The following SPMIP2 variants were observed in gnomAD, a reference collection of about 807,000 sequenced individuals.
The protein encoded by SPMIP2 is protein SPMIP2.
chr4:159,009,400 A>G, the SPMIP2 span, among the ~76,000 whole-genome samples: 1 of 152,214 alleles, frequency 6.6e-6, no homozygotes, highest in Non-Finnish European at 1.5e-5. Flanking sequence ...CTGATGCATC[A>G]TGTTTGAGGA....
the SPMIP2 span, among the ~76,000 whole-genome samples, chr4:159,023,885 CTTAGAAATAAAGCAGA>C: frequency 3.9e-5 from 6 of 152,302 alleles, no homozygotes; most frequent in African/African-American, 1.2e-4. Context: ...AAGAATAAAG[CTTAGAAATAAAGCAGA>C]TCTCTCCTCT....
the SPMIP2 span, among the ~76,000 whole-genome samples, chr4:159,023,062 AAAATAAAATAAAATAAAAT>A: frequency 7.1e-6 from 1 of 141,270 alleles, no homozygotes; most frequent in Non-Finnish European, 1.5e-5. Context: ...AAAATAAAAT[AAAATAAAATAAAATAAAAT>A]AAAAATATAT....
At chr4:158,894,669 C>T in the SPMIP2 span, among the ~76,000 whole-genome samples, 1 of 152,124 alleles carries the variant, frequency 6.6e-6, no homozygotes, top group African/African-American at 2.4e-5. Context: ...TTCTATTTCA[C>T]TCCATAAGGA....
the SPMIP2 span, chr4:158,907,983 TTTATGTA>T: frequency 6.6e-6 from 1 of 152,220 alleles, no homozygotes; most frequent in Non-Finnish European, 1.5e-5. Flanking sequence ...TTTTAACTTG[TTTATGTA>T]TTATTTTGAT....
chr4:158,966,058 C>T, the SPMIP2 span, among the ~76,000 whole-genome samples: 4 of 152,142 alleles, frequency 2.6e-5, no homozygotes, highest in Non-Finnish European at 5.9e-5. Flanking sequence ...TGAATTCTTC[C>T]CGAGTAGGTG....
chr4:159,054,385 T>A, the SPMIP2 span, among the ~76,000 whole-genome samples: 1 of 152,140 alleles, frequency 6.6e-6, no homozygotes, highest in Non-Finnish European at 1.5e-5. Context: ...CCCTCCTCCA[T>A]CTTGCATGGA....
chr4:159,082,210 G>A, the SPMIP2 span, among the ~76,000 whole-genome samples: 1 of 151,000 alleles, frequency 6.6e-6, no homozygotes, highest in East Asian at 1.9e-4. Flanking sequence ...GCAGGCACCT[G>A]TAATCCCAGC....
At chr4:158,928,269 G>A in the SPMIP2 span, among the ~76,000 whole-genome samples, 5 of 152,044 alleles carry the variant, frequency 3.3e-5, no homozygotes, top group African/African-American at 7.3e-5. Flanking sequence ...TGCACCAGTC[G>A]ACACTCTGTA....
chr4:159,077,213 TCAC>T, the SPMIP2 span, among the ~76,000 whole-genome samples: 3 of 151,700 alleles, frequency 2.0e-5, no homozygotes, highest in Admixed American at 2.0e-4. Context: ...CGGTCTCGGC[TCAC>T]CACAACCACA....
chr4:159,021,113 A>G, the SPMIP2 span, among the ~76,000 whole-genome samples: 1 of 152,054 alleles, frequency 6.6e-6, no homozygotes, highest in Non-Finnish European at 1.5e-5. Context: ...TTACACATAT[A>G]GTTTCTGTCT....
At chr4:158,958,519 A>G in the SPMIP2 span, among the ~76,000 whole-genome samples, 1 of 152,192 alleles carries the variant, frequency 6.6e-6, no homozygotes, top group East Asian at 1.9e-4. Context: ...GCATATACTG[A>G]GGCTGGCTGG....
chr4:159,072,041 T>G, the SPMIP2 span, among the ~76,000 whole-genome samples: 1,622 of 152,348 alleles, frequency 0.011, 22 homozygotes, highest in African/African-American at 0.036. Flanking sequence ...GCCAGACATC[T>G]GTGGCTCACC....
the SPMIP2 span, among the ~76,000 whole-genome samples, chr4:158,977,120 A>G: frequency 3.0e-4 from 45 of 152,298 alleles, no homozygotes; most frequent in African/African-American, 1.1e-3. Flanking sequence ...AAAATGAGTT[A>G]AGGAGGAGTC....
chr4:159,058,629 A>T, the SPMIP2 span, among the ~76,000 whole-genome samples: 2 of 152,210 alleles, frequency 1.3e-5, no homozygotes, highest in Non-Finnish European at 2.9e-5. Context: ...CTCTTTTAAA[A>T]GGTGTATGGT....
chr4:158,945,847 T>C, the SPMIP2 span, among the ~76,000 whole-genome samples: 2 of 152,254 alleles, frequency 1.3e-5, no homozygotes, highest in Non-Finnish European at 2.9e-5. Flanking sequence ...GTTATTTTTT[T>C]TTCTGTAGTC....
chr4:159,078,266 A>G, the SPMIP2 span, among the ~76,000 whole-genome samples: 1 of 152,234 alleles, frequency 6.6e-6, no homozygotes, highest in Non-Finnish European at 1.5e-5. Context: ...GATCCAGAAC[A>G]GTGCCTGGCT....
At chr4:158,960,767 G>T in the SPMIP2 span, among the ~76,000 whole-genome samples, 1 of 152,122 alleles carries the variant, frequency 6.6e-6, no homozygotes, top group East Asian at 1.9e-4. Flanking sequence ...GTAGGAAAGA[G>T]CTGGATTATA....
chr4:159,003,770 C>A, the SPMIP2 span, among the ~76,000 whole-genome samples: 1 of 152,200 alleles, frequency 6.6e-6, no homozygotes, highest in African/African-American at 2.4e-5. Context: ...AAATACTCCT[C>A]TTTAAAGAGA....
chr4:158,899,474 T>C, the SPMIP2 span, among the ~76,000 whole-genome samples: 1 of 152,234 alleles, frequency 6.6e-6, no homozygotes, highest in African/African-American at 2.4e-5. Context: ...TGAATCCATC[T>C]GGTCCTGGAC....
Sources: gnomAD v4.1 joint callset for allele counts (sites outside exome capture counted in the v4.1 genomes callset) on GRCh38, gnomAD v4.1.1 for gene constraint, MANE v1.5 for transcripts, NCBI Gene and HGNC (gene_info 2026-07-23, HGNC 2026-07-21) for gene names.